Variants in LOC128092252 observed in about 807,000 individuals in gnomAD.
At chr15:50,648,891 A>G in the LOC128092252 span, 3 of 1,597,606 alleles carry the variant, frequency 1.9e-6, no homozygotes, top group Non-Finnish European at 2.6e-6. Flanking sequence ...AACACCTAAA[A>G]GAAAAAGGTG....
At chr15:50,660,870 C>T in the LOC128092252 span, among the ~76,000 whole-genome samples, 1 of 152,062 alleles carries the variant, frequency 6.6e-6, no homozygotes, top group South Asian at 2.1e-4. Context: ...TTCATTGTGG[C>T]CTAATTAAAT....
At chr15:50,683,400 A>G in the LOC128092252 span, among the ~76,000 whole-genome samples, 2 of 152,122 alleles carry the variant, frequency 1.3e-5, no homozygotes, top group African/African-American at 2.4e-5. Context: ...GAGATCAGGC[A>G]TCAGACAACA....
At chr15:50,675,328 A>C in the LOC128092252 span, among the ~76,000 whole-genome samples, 1 of 151,652 alleles carries the variant, frequency 6.6e-6, no homozygotes, top group Admixed American at 6.6e-5. Flanking sequence ...AGGCGACAAG[A>C]GCAAAATTCC....
chr15:50,676,600 AC>A, the LOC128092252 span, among the ~76,000 whole-genome samples: 1 of 151,966 alleles, frequency 6.6e-6, no homozygotes, highest in Non-Finnish European at 1.5e-5. Context: ...AGACTTGAGG[AC>A]ACTGAAGAGC....
At chr15:50,678,515 A>T in the LOC128092252 span, among the ~76,000 whole-genome samples, 7 of 82,784 alleles carry the variant, frequency 8.5e-5, no homozygotes, top group Admixed American at 2.8e-4. Flanking sequence ...TTAAAAAAAA[A>T]AAATATATAT....
At chr15:50,675,779 C>T in the LOC128092252 span, among the ~76,000 whole-genome samples, 1 of 152,124 alleles carries the variant, frequency 6.6e-6, no homozygotes, top group Non-Finnish European at 1.5e-5. Flanking sequence ...TTTGTATGTT[C>T]CAAGTAATGT....
chr15:50,648,986 T>G, the LOC128092252 span: 5 of 747,010 alleles, frequency 6.7e-6, no homozygotes, highest in Non-Finnish European at 9.9e-6. Flanking sequence ...GCTTTAAAAT[T>G]TTTATATTTT....
chr15:50,675,822 A>T, the LOC128092252 span, among the ~76,000 whole-genome samples: 1 of 152,234 alleles, frequency 6.6e-6, no homozygotes, highest in Non-Finnish European at 1.5e-5. Flanking sequence ...ATGCTAGTAG[A>T]GCAGGGAATC....
At chr15:50,654,599 A>G in the LOC128092252 span, among the ~76,000 whole-genome samples, 1 of 151,606 alleles carries the variant, frequency 6.6e-6, no homozygotes, top group African/African-American at 2.4e-5. Context: ...AGGAATAGAC[A>G]GTCATAATGA....
the LOC128092252 span, among the ~76,000 whole-genome samples, chr15:50,677,416 AACAC>A: frequency 6.6e-6 from 1 of 151,198 alleles, no homozygotes; most frequent in Admixed American, 6.6e-5. Context: ...CAACAACAAC[AACAC>A]ACACACACAC....
At chr15:50,662,587 T>C in the LOC128092252 span, among the ~76,000 whole-genome samples, 1 of 152,196 alleles carries the variant, frequency 6.6e-6, no homozygotes, top group African/African-American at 2.4e-5. Flanking sequence ...ACATGAACCA[T>C]AGTGTTGGAT....
chr15:50,675,280 T>C, the LOC128092252 span, among the ~76,000 whole-genome samples: 1 of 151,754 alleles, frequency 6.6e-6, no homozygotes, highest in Non-Finnish European at 1.5e-5. Context: ...GACACAGAGG[T>C]TGCAGTGAGC....
At chr15:50,674,726 T>C in the LOC128092252 span, among the ~76,000 whole-genome samples, 29 of 152,304 alleles carry the variant, frequency 1.9e-4, 1 homozygote, top group South Asian at 4.3e-3. Context: ...ACAGGTCTAG[T>C]CTCTGAGCTT....
At chr15:50,672,359 C>A in the LOC128092252 span, among the ~76,000 whole-genome samples, 1 of 151,590 alleles carries the variant, frequency 6.6e-6, no homozygotes, top group East Asian at 1.9e-4. Flanking sequence ...CCCGGCCACT[C>A]CTACCTATTT....
chr15:50,667,418 G>A, the LOC128092252 span, among the ~76,000 whole-genome samples: 3 of 152,064 alleles, frequency 2.0e-5, no homozygotes, highest in Non-Finnish European at 4.4e-5. Context: ...AAAAATAAGA[G>A]CTGCTGGCCG....
At chr15:50,661,990 G>A in the LOC128092252 span, among the ~76,000 whole-genome samples, 1 of 152,196 alleles carries the variant, frequency 6.6e-6, no homozygotes, top group Admixed American at 6.6e-5. Flanking sequence ...GGCCAAGGCA[G>A]GCAGATGACC....
chr15:50,676,334 T>C, the LOC128092252 span, among the ~76,000 whole-genome samples: 2 of 152,138 alleles, frequency 1.3e-5, no homozygotes, highest in Admixed American at 6.6e-5. Flanking sequence ...TCTATGATTA[T>C]ATATATTAAA....
chr15:50,660,520 T>C, the LOC128092252 span, among the ~76,000 whole-genome samples: 2 of 152,154 alleles, frequency 1.3e-5, no homozygotes, highest in Non-Finnish European at 2.9e-5. Context: ...GTGGGCGTGG[T>C]AGCGCATGCC....
the LOC128092252 span, among the ~76,000 whole-genome samples, chr15:50,674,027 C>T: frequency 6.6e-6 from 1 of 152,104 alleles, no homozygotes; most frequent in African/African-American, 2.4e-5. Context: ...TTTACTCTGT[C>T]GCCCAGGCTG....
Sources: allele counts gnomAD v4.1 joint callset (sites outside exome capture counted in the v4.1 genomes callset), GRCh38; gene constraint gnomAD v4.1.1; transcripts MANE v1.5.